FAM217A: variants seen among roughly 807,000 people sequenced by gnomAD.
FAM217A encodes the protein family with sequence similarity 217 member A.
In FAM217A, 13 loss-of-function variants were observed where a neutral mutation model predicts 18.5. The observed-to-expected ratio is 0.70, with a 90% CI of 0.46 to 1.12. FAM217A has a LOEUF of 1.12. Among genes scored for constraint, FAM217A ranks in the 50% most tolerant of loss-of-function variants. The pLI is 0.00. For missense variants in FAM217A, 560 were observed against 575.4 expected, an observed-to-expected ratio of 0.97 and a Z score of 0.27; for synonymous variants, 161 against 202.8, an observed-to-expected ratio of 0.79 and a Z score of 1.75.
upstream of FAM217A, chr6:4,087,308 A>G: frequency 8.1e-7 from 1 of 1,234,268 alleles, no homozygotes; most frequent in Non-Finnish European, 1.0e-6. Flanking sequence ...ACTTGGCAGG[A>G]TATTTTCAAT....
At chr6:4,082,575 C>G (rs574575856), upstream of FAM217A, among the ~76,000 whole-genome samples, 1 of 152,326 alleles carries the variant, frequency 6.6e-6, no homozygotes, top group African/African-American at 2.4e-5. Flanking sequence ...AATTATCTGA[C>G]CCCCATTCCA....
At chr6:4,079,144 G>A (rs13202297), upstream of FAM217A, 1 of 339,260 alleles carries the variant, frequency 2.9e-6, no homozygotes, top group Non-Finnish European at 5.3e-6. Context: ...CACCGGCCGG[G>A]TCTCCCGGCA....
At chr6:4,079,852 AT>A (rs1315392151), upstream of FAM217A, among the ~76,000 whole-genome samples, 1 of 151,622 alleles carries the variant, frequency 6.6e-6, no homozygotes, top group Non-Finnish European at 1.5e-5. Flanking sequence ...ACAAAAGATG[AT>A]TTTTTTTCTT....
At position 4,069,530 on chromosome 6, in the gene FAM217A, T is replaced by C. The variant is rs1403867328; in HGVS notation, c.693A>G (p.Ile231Met). ...KVDLNLKPET[I>M]KNVEEPFTEE... is the part of the protein sequence containing the mutation. The stretch of plus-strand genomic sequence containing the variant: ...CGGTGAAAGGTTCCTCAACATTTTT[T>C]ATTGTTTCTGGCTTCAAGTTCAGGT... Residue 231 changes from isoleucine (I) to methionine (M), a missense_variant, in exon 7 of 7, where the codon ATA (isoleucine) becomes ATG (methionine). Physicochemically the swap from Ile to Met is conservative, Grantham distance 10. Transcript: ENST00000274673. 6.2e-7 allele frequency: 1 copy of C among 1,614,190 alleles called. No homozygotes were observed. Among genetic ancestry groups the C allele is most frequent in the South Asian group, 1.1e-5 (1 of 91,068 alleles).
chr6:4,072,466 T>A (rs1352640484), intron 6 of FAM217A, among the ~76,000 whole-genome samples: 25 of 147,098 alleles, frequency 1.7e-4, no homozygotes, highest in East Asian at 6.0e-4. Context: ...AAAAAGTATT[T>A]AAAAAAAAAA....
chr6:4,085,931 G>A (rs991013872), intron 1 of FAM217A, among the ~76,000 whole-genome samples: 4 of 151,878 alleles, frequency 2.6e-5, no homozygotes, highest in African/African-American at 9.7e-5. Context: ...GTAACATAGC[G>A]AGACCCTGTC....
intron 6 of FAM217A, 84 bp from the exon 7 acceptor site, chr6:4,070,004 CAA>C (rs1769298977): frequency 9.8e-7 from 1 of 1,017,528 alleles, no homozygotes. Context: ...TACCCTTTAT[CAA>C]AGATTGGTTA....
chr6:4,073,603 G>C, intron 4 of FAM217A, 96 bp from the exon 5 acceptor site: 1 of 931,764 alleles, frequency 1.1e-6, no homozygotes, highest in Admixed American at 2.8e-5. Context: ...AGGAATGTAT[G>C]GTAAAACTGA....
chr6:4,068,737 T>A lies in FAM217A; in HGVS notation c.1486A>T (p.Ile496Phe). The A allele has an allele frequency of 6.2e-7, 1 of 1,612,010 alleles. No individual in the cohort carries two copies. The highest frequency in any genetic ancestry group is 8.5e-7 in the Non-Finnish European group (1 of 1,179,452). ...GGTGAGCAGCACTTATCCTTAGCAATAAGGGAAGGCGACAAACAGTTTAGC... is the reference window on the plus strand; with the variant it reads ...GGTGAGCAGCACTTATCCTTAGCAAAAAGGGAAGGCGACAAACAGTTTAGC... ...QKLNCLSPSL[I>F]AKDKCCSPIE... The change falls in exon 7 of 7, where the codon ATT (isoleucine) becomes TTT (phenylalanine). Residue 496 changes from isoleucine to phenylalanine, a missense_variant. Transcript: ENST00000274673.
intron 1 of FAM217A, among the ~76,000 whole-genome samples, chr6:4,085,311 A>AAAAAAAAATATAT (rs377046907): frequency 1.4e-4 from 20 of 146,436 alleles, no homozygotes; most frequent in South Asian, 1.1e-3. Flanking sequence ...TGTAAAAAAA[A>AAAAAAAAATATAT]ATATATATAT....
chr6:4,077,359 T>G lies in FAM217A; in HGVS notation c.56A>C (p.Gln19Pro), dbSNP rs200025490. The G allele has an allele frequency of 6.2e-7, 1 of 1,614,224 alleles. No individual in the cohort carries two copies. Among genetic ancestry groups the G allele is most frequent in the East Asian group, 2.2e-5 (1 of 44,888 alleles). ...GTTCAACAGCGCCTGCCATACCTCC[T>G]GAGAGATGTTTGACACACGTAGGCT... ...ANSLRVSNIS[Q>P]ENLSHWNLDS... Residue 19 changes from glutamine (Q) to proline (P), a missense_variant, in exon 2 of 7, where the codon CAG becomes CCG. Gln to Pro is a moderately conservative substitution (Grantham distance 76). Transcript: ENST00000274673.
rs80298900 is a variant in FAM217A at position 4,068,652 on chromosome 6, C to T, written c.*44G>A. The T allele has an allele frequency of 2.0e-4, 310 of 1,530,518 alleles. 1 individual carries two copies. In the East Asian group the frequency reaches 6.0e-3, roughly 30 times the overall value. 94.8% of individuals were successfully genotyped at this position (1,530,518 alleles called of 1,614,324 possible). A position where few individuals can be genotyped will look rare whatever the true frequency, so the allele number is the denominator to read the frequency against. On this transcript the variant is annotated 3_prime_UTR_variant, in exon 7 of 7. Transcript: ENST00000274673. ...AATTAACCATATCTTAGTTGGGCTT[C>T]TTAGAGTAGATGTGTTCACATTGAG...
Position 4,069,771 on chromosome 6 carries a change from C to T in FAM217A, c.452G>A (p.Trp151Ter), listed in dbSNP as rs1219108891. 4 of 1,614,100 alleles carry T rather than the reference C, an allele frequency of 2.5e-6. No homozygotes were observed. The highest frequency in any genetic ancestry group is 2.5e-6 in the Non-Finnish European group (3 of 1,180,008). ...PGLPMPLGLC[W>*]PYADGDFFKN... ...AAAAAAGTCTCCATCAGCATAGGGC[C>T]AGCAGAGACCTAATGGCATTGGCAG... is the stretch of plus-strand genomic sequence containing the variant. Residue 151 changes from tryptophan to a stop codon, truncating the protein, a stop_gained, in exon 7 of 7, where the codon TGG becomes TAG. Coordinates refer to ENST00000274673, the MANE Select transcript of FAM217A (RefSeq NM_173563.3). LOFTEE classifies it low-confidence loss of function (END_TRUNC).
chr6:4,085,789 CT>C (rs937658029), intron 1 of FAM217A, among the ~76,000 whole-genome samples: 4 of 151,816 alleles, frequency 2.6e-5, no homozygotes, highest in Admixed American at 2.6e-4. Flanking sequence ...TTAAGTTTTA[CT>C]TTTTGAGTTT....
At position 4,069,733 on chromosome 6, in the gene FAM217A, C is replaced by A. The variant is rs1335323805; in HGVS notation, c.490G>T (p.Glu164Ter). The change falls in exon 7 of 7, where the codon GAG (glutamate) becomes TAG (stop). Residue 164 changes from glutamate to a stop codon, truncating the protein, a stop_gained. Coordinates refer to ENST00000274673, the MANE Select transcript of FAM217A (RefSeq NM_173563.3). LOFTEE classifies it low-confidence loss of function (END_TRUNC). ...ADGDFFKNRN[E>*]IHVSSCSTIE... ...GTTGAACATGAACTAACATGAATCT[C>A]ATTTCTGTTCTTAAAAAAGTCTCCA... The A allele has an allele frequency of 6.2e-7, 1 of 1,614,060 alleles. No individual in the cohort carries two copies. Among genetic ancestry groups the A allele is most frequent in the African/African-American group, 1.3e-5 (1 of 75,040 alleles).
Position 4,068,887 on chromosome 6 carries a change from G to A in FAM217A, c.1336C>T (p.Pro446Ser), listed in dbSNP as rs1356588815. The A allele has an allele frequency of 6.2e-7, 1 of 1,614,094 alleles. No individual in the cohort carries two copies. The highest frequency in any genetic ancestry group is 8.5e-7 in the Non-Finnish European group (1 of 1,179,990). ...LPWRSPMPVS[P>S]IPLTFPENQK... is the part of the protein sequence containing the mutation. The stretch of plus-strand genomic sequence containing the variant: ...TTTTCGGGAAAAGTCAGAGGTATAG[G>A]TGAAACTGGCATTGGAGACCTCCAT... The change falls in exon 7 of 7, where the codon CCT becomes TCT. Residue 446 changes from proline to serine, a missense_variant. By Grantham distance (74) the Pro-to-Ser change is moderately conservative. Transcript: ENST00000274673.
rs374965334 is a variant in FAM217A, at chr6:4,068,866, C to T, written c.1357G>A (p.Glu453Lys). The T allele has an allele frequency of 1.3e-5, 21 of 1,613,944 alleles. No homozygotes were observed. The Admixed American group carries it at 1.5e-4, about 12-fold the overall frequency. Residue 453 changes from glutamate (E) to lysine (K), a missense_variant, in exon 7 of 7, where the codon GAA becomes AAA. Glu to Lys is a moderately conservative substitution (Grantham distance 56, BLOSUM62 1). Coordinates refer to ENST00000274673, the MANE Select transcript of FAM217A (RefSeq NM_173563.3). ...PVSPIPLTFP[E>K]NQKEEIKAPK... is the part of the protein sequence containing the mutation. ...GCCTTAATTTCTTCCTTCTGATTTT[C>T]GGGAAAAGTCAGAGGTATAGGTGAA...
intron 6 of FAM217A, among the ~76,000 whole-genome samples, chr6:4,070,410 T>C (rs1769325458): frequency 6.6e-6 from 1 of 152,190 alleles, no homozygotes. Flanking sequence ...TAAAAATTAC[T>C]GTAACAAAAA....
In FAM217A at chr6:4,079,076, C is replaced by G. The variant is rs1195153023; in HGVS notation, c.-259G>C. 1 of 360,160 alleles carries G rather than the reference C, an allele frequency of 2.8e-6. No homozygotes were observed. Among genetic ancestry groups the G allele is most frequent in the South Asian group, 1.3e-4 (1 of 7,836 alleles). The allele number at this position is 360,160 out of a possible 1,614,324, so 22.3% of individuals were successfully genotyped here. A position where few individuals can be genotyped will look rare whatever the true frequency, so the allele number is the denominator to read the frequency against. ...CGCGGGCCGGCGCAGGGGTGGGAGT[C>G]GGGCCCGGGGCCCAGAGAGACCTTC... On this transcript the variant is annotated 5_prime_UTR_variant, in exon 1 of 7. Coordinates refer to ENST00000274673, the MANE Select transcript of FAM217A (RefSeq NM_173563.3).
Sources: gnomAD v4.1 joint callset for allele counts (sites outside exome capture counted in the v4.1 genomes callset) on GRCh38, gnomAD v4.1.1 for gene constraint, MANE v1.5 for transcripts, NCBI Gene and HGNC (gene_info 2026-07-23, HGNC 2026-07-21) for gene names.